The following DNAH9 variants were observed in gnomAD, a reference collection of about 807,000 sequenced individuals.
DNAH9 encodes DNAH9 variant protein.
Under a neutral mutation model 471.6 loss-of-function variants are expected in DNAH9, and 345 were observed. The ratio of observed to expected loss-of-function variants is 0.73; its 90% CI spans 0.67 to 0.80. The LOEUF (loss-of-function observed/expected upper bound fraction) is 0.80. DNAH9 is among the 30% of genes least tolerant of loss of function. DNAH9 has a pLI of 0.00. For missense variants in DNAH9, 5,407 were observed against 5,609.2 expected (o/e 0.96, Z 1.15); for synonymous variants, 2,093 against 2,123.6 (o/e 0.99, Z 0.40).
At chr17:11,831,769 C>G (rs1039866886) in intron 48 of DNAH9, among the ~76,000 whole-genome samples, 1 of 152,192 alleles carries the variant, frequency 6.6e-6, no homozygotes, top group Non-Finnish European at 1.5e-5. Flanking sequence ...GACTGGAGCA[C>G]TGCAGAAACA....
chr17:11,870,670 C>T (rs1597765356), intron 51 of DNAH9, among the ~76,000 whole-genome samples: 1 of 152,176 alleles, frequency 6.6e-6, no homozygotes, highest in Non-Finnish European at 1.5e-5. Context: ...GATCTCCTAG[C>T]TGGCCTGCCT....
chr17:11,683,634 G>C (rs9906932), intron 19 of DNAH9, among the ~76,000 whole-genome samples: 2,492 of 152,272 alleles, frequency 0.016, 76 homozygotes, highest in African/African-American at 0.056. Flanking sequence ...TATATTTTGT[G>C]TATTGATCAA....
rs562875363 is a variant in DNAH9, at chr17:11,814,886, G to C, written c.8707+4517G>C. ...ATTGGATTGTTCTCCTCTGGTGGCC[G>C]TCTGGAACTGGACTTCCTGAGGAGC... On this transcript the variant is annotated intron_variant, in intron 45 of 68. Coordinates refer to ENST00000262442, the MANE Select transcript of DNAH9 (RefSeq NM_001372.4). Among the ~76,000 whole-genome samples, 22 of 152,224 alleles carry C rather than the reference G, an allele frequency of 1.4e-4. No homozygotes were observed. In the South Asian group the frequency reaches 2.9e-3, roughly 20 times the overall value.
intron 55 of DNAH9, chr17:11,883,267 A>G (rs1972785980): frequency 1.9e-6 from 2 of 1,053,864 alleles, no homozygotes; most frequent in Non-Finnish European, 2.3e-6. Context: ...AGTTACACAA[A>G]TAAGCTCCGT....
rs572699043 is a variant in DNAH9, at chr17:11,689,752, A to G, written c.3930A>G (p.Gly1310=). The change falls in exon 20 of 69, where the codon GGA becomes GGG. Residue 1310 remains glycine, a synonymous_variant. Transcript: ENST00000262442. ...TGAAGGAGCTCTGGGACACCATTGG[A>G]ATGGTGACCTCCAGCATCCATGCCT... ...CQLKELWDTI[G]MVTSSIHAWE... 6.2e-7 allele frequency: 1 copy of G among 1,614,174 alleles called. No homozygotes were observed. Among genetic ancestry groups the G allele is most frequent in the East Asian group, 2.2e-5 (1 of 44,876 alleles).
intron 19 of DNAH9, among the ~76,000 whole-genome samples, chr17:11,682,845 A>C (rs6502164): frequency 0.99 from 150,316 of 152,262 alleles, 74,226 homozygotes; most frequent in Middle Eastern, 1. Context: ...AGCAATCATG[A>C]GGAGGAATGT....
At chr17:11,600,572 C>T (rs2072363760) in intron 1 of DNAH9, among the ~76,000 whole-genome samples, 1 of 152,184 alleles carries the variant, frequency 6.6e-6, no homozygotes, top group Admixed American at 6.5e-5. Context: ...TGTTCATCAA[C>T]AGGGGACTGG....
At chr17:11,861,781 G>A (rs1424760932) in intron 50 of DNAH9, among the ~76,000 whole-genome samples, 43 of 151,354 alleles carry the variant, frequency 2.8e-4, no homozygotes, top group Non-Finnish European at 5.5e-4. Flanking sequence ...GCCAGTGATG[G>A]TGAGCATTTT....
intron 50 of DNAH9, among the ~76,000 whole-genome samples, chr17:11,864,465 G>C (rs932725220): frequency 1.3e-5 from 2 of 149,960 alleles, no homozygotes; most frequent in Non-Finnish European, 3.0e-5. Context: ...TTTGGAATAG[G>C]TGTGGTGTGG....
chr17:11,941,769 GAC>G (rs1974923740), intron 66 of DNAH9, among the ~76,000 whole-genome samples: 1 of 152,062 alleles, frequency 6.6e-6, no homozygotes, highest in Non-Finnish European at 1.5e-5. Context: ...ATAGATGAAT[GAC>G]AGATTAGATA....
chr17:11,922,025 G>A (rs1053610410), intron 61 of DNAH9, among the ~76,000 whole-genome samples: 2 of 152,158 alleles, frequency 1.3e-5, no homozygotes, highest in African/African-American at 4.8e-5. Flanking sequence ...GGAATGAATT[G>A]TTTATCTCCC....
At position 11,623,906 on chromosome 17, in the gene DNAH9, T is replaced by C. The variant is rs1474224269; in HGVS notation, c.1350+4125T>C. On this transcript the variant is annotated intron_variant, in intron 6 of 68. Transcript: ENST00000262442. This position sits in a 1 kb window ranked among gnomAD's most constrained non-coding sequence, Gnocchi z 4.1. ...GTGAGTTGCTTTTTTATTCTTTCAC[T>C]CTTTTTGCACAAGAGAATTTTGTTG... Among the ~76,000 whole-genome samples, 2 of 152,158 alleles carry C rather than the reference T, an allele frequency of 1.3e-5. No homozygotes were observed.
chr17:11,652,390 A>G (rs2073529772), intron 13 of DNAH9, among the ~76,000 whole-genome samples: 1 of 138,144 alleles, frequency 7.2e-6, no homozygotes, highest in East Asian at 2.3e-4. Context: ...GGTTCACGCC[A>G]TTCTCCTGCC....
At chr17:11,637,141 A>G (rs2073180962) in intron 9 of DNAH9, among the ~76,000 whole-genome samples, 1 of 152,164 alleles carries the variant, frequency 6.6e-6, no homozygotes, top group African/African-American at 2.4e-5. Context: ...CACGCCTGAG[A>G]AAAGTTTCTT....
intron 62 of DNAH9, among the ~76,000 whole-genome samples, chr17:11,926,944 G>A (rs897183803): frequency 6.6e-6 from 1 of 151,992 alleles, no homozygotes; most frequent in Non-Finnish European, 1.5e-5. Context: ...TTTAATAATC[G>A]GCATTCTGAC....
At chr17:11,775,443 C>T (rs918319955) in intron 38 of DNAH9, among the ~76,000 whole-genome samples, 13 of 152,010 alleles carry the variant, frequency 8.6e-5, no homozygotes, top group Non-Finnish European at 1.6e-4. Flanking sequence ...TATGCTAAAA[C>T]AGAAATAATG....
chr17:11,708,053 A>AGAGAGAGAGAGAGC (rs1212348509), intron 26 of DNAH9, among the ~76,000 whole-genome samples: 2 of 147,990 alleles, frequency 1.4e-5, no homozygotes, highest in East Asian at 4.1e-4. Context: ...AGAGAGAGAG[A>AGAGAGAGAGAGAGC]GAGCAGGTAA....
At chr17:11,946,199 CAA>C (rs34028612) in intron 67 of DNAH9, among the ~76,000 whole-genome samples, 784 of 47,280 alleles carry the variant, frequency 0.017, 3 homozygotes, top group African/African-American at 0.059. Context: ...GAGTCCATCT[CAA>C]AAAAAAAAAA....
chr17:11,899,248 C>T (rs1973324842), intron 59 of DNAH9, among the ~76,000 whole-genome samples: 1 of 151,746 alleles, frequency 6.6e-6, no homozygotes, highest in South Asian at 2.1e-4. Context: ...CCCAGAAGAA[C>T]TAATAAGCAG....
Sources: gnomAD v4.1 joint callset for allele counts (sites outside exome capture counted in the v4.1 genomes callset) on GRCh38, gnomAD v4.1.1 for gene constraint, Gnocchi (gnomAD v3.1) non-coding constraint, MANE v1.5 for transcripts, NCBI Gene and HGNC (gene_info 2026-07-23, HGNC 2026-07-21) for gene names.